CTNNA2: variants seen among roughly 807,000 people sequenced by gnomAD.
CTNNA2 encodes catenin alpha-2.
Under a neutral mutation model 101.0 loss-of-function variants are expected in CTNNA2, and 42 were observed. The observed-to-expected ratio is 0.42, with a 90% CI of 0.32 to 0.54. The LOEUF (loss-of-function observed/expected upper bound fraction) is 0.54, where lower values mean the gene tolerates loss of function less well. Among genes scored for constraint, CTNNA2 ranks in the 20% least tolerant of loss-of-function variants. CTNNA2 has a pLI of 0.14. For synonymous variants in CTNNA2, 450 were observed against 456.4 expected (o/e 0.99, Z 0.18); for missense variants, 871 against 1,223.1 (o/e 0.71, Z 4.29).
At chr2:80,547,463 A>T (rs1314752770) in intron 11 of CTNNA2, among the ~76,000 whole-genome samples, 1 of 152,184 alleles carries the variant, frequency 6.6e-6, no homozygotes, top group Non-Finnish European at 1.5e-5. Context: ...AATTCTCAAT[A>T]TGTCAAGATA....
At chr2:80,195,612 CTTTTTT>C (rs538517274) in intron 7 of CTNNA2, among the ~76,000 whole-genome samples, 2 of 127,434 alleles carry the variant, frequency 1.6e-5, no homozygotes, top group Non-Finnish European at 3.4e-5. Flanking sequence ...ACCAAAACAT[CTTTTTT>C]TTTTTTTTTT....
chr2:79,793,868 CCACACACACACACACTCATGCA>C (rs1312472175), intron 3 of CTNNA2, among the ~76,000 whole-genome samples: 1 of 138,554 alleles, frequency 7.2e-6, no homozygotes, highest in Non-Finnish European at 1.5e-5. Context: ...TTCCCCAATA[CCACACACACACACACTCATGCA>C]CACACACACA....
chr2:79,919,500 C>G (rs923955582), intron 7 of CTNNA2, among the ~76,000 whole-genome samples: 1 of 152,272 alleles, frequency 6.6e-6, no homozygotes, highest in South Asian at 2.1e-4. Context: ...CTTTCTCTGA[C>G]TTAGTAGCTG....
intron 4 of CTNNA2, among the ~76,000 whole-genome samples, chr2:79,472,642 G>A (rs1225247442): frequency 1.3e-5 from 2 of 152,126 alleles, no homozygotes. Flanking sequence ...TAAGCCTGTA[G>A]TTCATACCCA....
intron 15 of CTNNA2, among the ~76,000 whole-genome samples, chr2:80,599,608 A>G (rs893373703): frequency 6.6e-6 from 1 of 152,030 alleles, no homozygotes; most frequent in African/African-American, 2.4e-5. Context: ...GGGTCATGTC[A>G]CTAACTTTGT....
chr2:79,969,191 A>G (rs1285447921), intron 7 of CTNNA2, among the ~76,000 whole-genome samples: 2 of 152,214 alleles, frequency 1.3e-5, no homozygotes, highest in Non-Finnish European at 2.9e-5. Context: ...TAAATTAACA[A>G]GAACAACAAC....
intron 9 of CTNNA2, among the ~76,000 whole-genome samples, chr2:80,479,031 T>G (rs1276533011): frequency 1.3e-5 from 2 of 152,016 alleles, no homozygotes; most frequent in African/African-American, 4.8e-5. Context: ...TTAATTTTTT[T>G]GTGTCATCTA....
Position 79,382,252 on chromosome 2 carries a change from G to T in CTNNA2, c.-135+8239G>T, listed in dbSNP as rs188326165. ...TACCACTGGCTTTTCTGGGTCTCAGGGTTTGAGGCTTGGACTGGAACTACC... is the reference window on the plus strand; with the variant it reads ...TACCACTGGCTTTTCTGGGTCTCAGTGTTTGAGGCTTGGACTGGAACTACC... On this transcript the variant is annotated intron_variant, in intron 4 of 21. Coordinates refer to the CTNNA2 transcript ENST00000466387. 4.7e-3 allele frequency among the ~76,000 whole-genome samples: 716 copies of T among 152,028 alleles called. 7 individuals are homozygous for T. Among genetic ancestry groups the T allele is most frequent in the African/African-American group, 0.016 (675 of 41,470 alleles).
At chr2:80,050,133 G>A (rs72924618) in intron 7 of CTNNA2, among the ~76,000 whole-genome samples, 3,279 of 152,214 alleles carry the variant, frequency 0.022, 118 homozygotes, top group African/African-American at 0.075. Context: ...CAAGCCATTT[G>A]TCCCTAAATA....
intron 7 of CTNNA2, among the ~76,000 whole-genome samples, chr2:79,970,814 A>C (rs1266551536): frequency 6.6e-6 from 1 of 152,142 alleles, no homozygotes; most frequent in Non-Finnish European, 1.5e-5. Context: ...CGTCTAAAAA[A>C]ATTGAAAGTC....
At chr2:80,616,545 G>A (rs1698871018) in intron 17 of CTNNA2, 1 of 151,640 alleles carries the variant, frequency 6.6e-6, no homozygotes, top group South Asian at 2.1e-4. Context: ...AAAGATTTGA[G>A]ACCAGCCCTA....
At chr2:79,659,047 G>C (rs1463166405) in intron 2 of CTNNA2, among the ~76,000 whole-genome samples, 1 of 151,746 alleles carries the variant, frequency 6.6e-6, no homozygotes, top group Non-Finnish European at 1.5e-5. Context: ...TATTATAACA[G>C]GAGTAAATTT....
intron 3 of CTNNA2, among the ~76,000 whole-genome samples, chr2:79,371,689 G>C (rs1677874624): frequency 6.6e-6 from 1 of 152,164 alleles, no homozygotes; most frequent in East Asian, 1.9e-4. Context: ...TACAGTCCCA[G>C]ATTGCCTGGA....
chr2:79,926,620 G>A (rs1574329439), intron 7 of CTNNA2, among the ~76,000 whole-genome samples: 2 of 152,030 alleles, frequency 1.3e-5, no homozygotes, highest in African/African-American at 4.8e-5. Context: ...TGAGGATAAG[G>A]TTTTAAATGT....
intron 15 of CTNNA2, among the ~76,000 whole-genome samples, chr2:80,596,377 T>TCGG (rs1052975810): frequency 3.8e-5 from 5 of 132,942 alleles, no homozygotes; most frequent in Non-Finnish European, 6.2e-5. Context: ...TGGCGTGATC[T>TCGG]CGGCTCACTG....
chr2:79,584,170 A>G (rs969185660), intron 1 of CTNNA2, among the ~76,000 whole-genome samples: 1 of 152,178 alleles, frequency 6.6e-6, no homozygotes, highest in Admixed American at 6.5e-5. Context: ...ATAGTGATGC[A>G]TTCTAATTTT....
intron 1 of CTNNA2, among the ~76,000 whole-genome samples, chr2:79,526,360 A>ATAT (rs2103903143): frequency 6.6e-6 from 1 of 152,208 alleles, no homozygotes; most frequent in East Asian, 1.9e-4. Context: ...AAAAATGGAA[A>ATAT]TATATGTATG....
chr2:79,656,920 G>A (rs1000702420), intron 2 of CTNNA2, among the ~76,000 whole-genome samples: 6 of 151,694 alleles, frequency 4.0e-5, no homozygotes, highest in Admixed American at 1.3e-4. Flanking sequence ...CTATATATGA[G>A]TTAATGAAAA....
At chr2:79,780,728 A>C (rs1416278538) in intron 3 of CTNNA2, among the ~76,000 whole-genome samples, 2 of 152,126 alleles carry the variant, frequency 1.3e-5, no homozygotes, top group Non-Finnish European at 2.9e-5. Context: ...ATCTATTATA[A>C]ATTATGTTCA....
Sources: gnomAD v4.1 joint callset for allele counts (sites outside exome capture counted in the v4.1 genomes callset) on GRCh38, gnomAD v4.1.1 for gene constraint, MANE v1.5 for transcripts, NCBI Gene and HGNC (gene_info 2026-07-23, HGNC 2026-07-21) for gene names.